Variants in EFR3B observed in about 807,000 individuals in gnomAD.
EFR3B encodes protein EFR3 homolog B.
EFR3B carries 64 observed loss-of-function variants against 104.7 expected under a neutral mutation model. That is an observed-to-expected ratio of 0.61 (90% CI 0.50 to 0.75). The LOEUF is 0.75. Ranked by LOEUF, EFR3B falls within the 30% of genes least tolerant of loss-of-function variation. The probability of loss-of-function intolerance (pLI) is 0.00; values close to 1 mark genes in which losing one functional copy is unlikely to be tolerated. For synonymous variants in EFR3B, 385 were observed against 417.9 expected, an observed-to-expected ratio of 0.92 and a Z score of 0.96; for missense variants, 750 against 1,078.5, an observed-to-expected ratio of 0.70 and a Z score of 4.27.
chr2:25,046,176 A>G (rs978075574), intron 1 of EFR3B, among the ~76,000 whole-genome samples: 36 of 152,148 alleles, frequency 2.4e-4, no homozygotes, highest in Non-Finnish European at 4.6e-4. Flanking sequence ...ACCTGAGGTC[A>G]GGAATTTGAG....
chr2:25,124,275 CAAGT>C (rs1670100029), intron 5 of EFR3B, among the ~76,000 whole-genome samples: 1 of 106,312 alleles, frequency 9.4e-6, no homozygotes, highest in Non-Finnish European at 2.1e-5. Flanking sequence ...CCTGTGCATG[CAAGT>C]GTGTGTGTGT....
At chr2:25,053,862 G>A (rs1376397052) in intron 1 of EFR3B, among the ~76,000 whole-genome samples, 1 of 152,158 alleles carries the variant, frequency 6.6e-6, no homozygotes, top group Non-Finnish European at 1.5e-5. Flanking sequence ...AGCCAAGATC[G>A]CACCACTGCA....
chr2:25,042,512 C>T lies in EFR3B; in HGVS notation c.7+193C>T. On this transcript the variant is annotated intron_variant, in intron 1 of 22. Transcript: ENST00000403714. This position sits in a 1 kb window ranked among gnomAD's most constrained non-coding sequence, Gnocchi z 5.4. The stretch of plus-strand genomic sequence containing the variant: ...GACAAAGATGCCTCGGGCCGGGGAC[C>T]CTGGGGTCCTCTCCAGGCCCGGCGC... 1 of 1,207,914 alleles carries T rather than the reference C, an allele frequency of 8.3e-7. No individual in the cohort carries two copies. The highest frequency in any genetic ancestry group is 1.0e-6 in the Non-Finnish European group (1 of 972,830). The allele number at this position is 1,207,914 out of a possible 1,614,324, so 74.8% of individuals were successfully genotyped here. A position where few individuals can be genotyped will look rare whatever the true frequency, so the allele number is the denominator to read the frequency against.
At chr2:25,065,392 C>T (rs1384022889) in intron 1 of EFR3B, among the ~76,000 whole-genome samples, 4 of 140,076 alleles carry the variant, frequency 2.9e-5, no homozygotes, top group Non-Finnish European at 4.5e-5. Flanking sequence ...GTTCTCACTG[C>T]GTTGCCCAGG....
At chr2:25,079,305 T>C (rs1014918515) in intron 1 of EFR3B, among the ~76,000 whole-genome samples, 1 of 152,212 alleles carries the variant, frequency 6.6e-6, no homozygotes, top group South Asian at 2.1e-4. Flanking sequence ...GCAAGGTGGC[T>C]GTGGCGAAGG....
chr2:25,080,385 C>G, intron 1 of EFR3B: 1 of 539,418 alleles, frequency 1.9e-6, no homozygotes, highest in Non-Finnish European at 3.3e-6. Flanking sequence ...ACCTCCGCCT[C>G]CCATGTTCGA....
At chr2:25,091,129 C>A (rs1009751386) in intron 1 of EFR3B, among the ~76,000 whole-genome samples, 196 bp from the exon 2 acceptor site, 1 of 152,170 alleles carries the variant, frequency 6.6e-6, no homozygotes, top group Non-Finnish European at 1.5e-5. Context: ...TGGCAGATGT[C>A]TTAGAGTGTG....
chr2:25,134,823 C>T lies in EFR3B; in HGVS notation c.1312-644C>T, dbSNP rs575581305. Among the ~76,000 whole-genome samples, 161 of 152,288 alleles carry T rather than the reference C, an allele frequency of 1.1e-3. 4 individuals are homozygous for T. The Middle Eastern group carries it at 0.061, about 58-fold the overall frequency. On this transcript the variant is annotated intron_variant, in intron 12 of 22. Coordinates refer to ENST00000403714, the MANE Select transcript of EFR3B (RefSeq NM_014971.2). ...TTAAGATAACAGTTTGGGGTACATCCTTAGGGACCTTCTGAATCATCAAAA... is the reference window on the plus strand; with the variant it reads ...TTAAGATAACAGTTTGGGGTACATCTTTAGGGACCTTCTGAATCATCAAAA...
intron 1 of EFR3B, among the ~76,000 whole-genome samples, chr2:25,053,426 A>G (rs1313432841): frequency 1.3e-5 from 2 of 152,216 alleles, no homozygotes. Context: ...CATGCCTTTC[A>G]GAGACAGGCA....
chr2:25,099,896 C>T (rs1669383962), intron 3 of EFR3B, among the ~76,000 whole-genome samples: 1 of 151,022 alleles, frequency 6.6e-6, no homozygotes, highest in South Asian at 2.1e-4. Flanking sequence ...AAGATGAAGA[C>T]TAGCTAATAA....
At position 25,093,099 on chromosome 2, in the gene EFR3B, C is replaced by T; in HGVS notation, c.181C>T (p.Leu61Phe). The change falls in exon 3 of 23, where the codon CTC (leucine) becomes TTC (phenylalanine). Residue 61 changes from leucine (L) to phenylalanine (F), a missense_variant. Coordinates refer to ENST00000403714, the MANE Select transcript of EFR3B (RefSeq NM_014971.2). ...TATTGGCGCCTACCTCTCTGAGAGG[C>T]TCATCCGTGACGTGGGTCGCCATCG... ...DRIGAYLSER[L>F]IRDVGRHRYG... 6.4e-7 allele frequency: 1 copy of T among 1,551,894 alleles called. No individual in the cohort carries two copies. Among genetic ancestry groups the T allele is most frequent in the African/African-American group, 1.4e-5 (1 of 73,172 alleles).
rs142153377 is a variant in EFR3B at position 25,120,310 on chromosome 2, C to T, written c.364-1363C>T. ...AAGTTGCAGTGAGCCGAGATCATGT[C>T]ATTGCATGCCAGCCTGGGCAACAGA... is the stretch of plus-strand genomic sequence containing the variant. On this transcript the variant is annotated intron_variant, in intron 4 of 22. Coordinates refer to ENST00000403714, the MANE Select transcript of EFR3B (RefSeq NM_014971.2). Among the ~76,000 whole-genome samples, 307 of 151,640 alleles carry T rather than the reference C, an allele frequency of 2.0e-3. 2 individuals are homozygous for T. Among genetic ancestry groups the T allele is most frequent in the Admixed American group, 4.7e-3 (72 of 15,234 alleles).
intron 4 of EFR3B, among the ~76,000 whole-genome samples, chr2:25,105,393 C>A (rs1249708751): frequency 6.6e-6 from 1 of 152,212 alleles, no homozygotes; most frequent in Non-Finnish European, 1.5e-5. Context: ...TCAAGTGATT[C>A]ACCCGCCTCA....
intron 5 of EFR3B, among the ~76,000 whole-genome samples, chr2:25,127,083 T>TC (rs1474268025): frequency 1.4e-5 from 2 of 147,690 alleles, no homozygotes; most frequent in Non-Finnish European, 3.0e-5. Context: ...TCCCAGCTAC[T>TC]CAGGAGGCCA....
In EFR3B at chr2:25,091,496, G is replaced by A. The variant is rs1001076302; in HGVS notation, c.84+95G>A. On this transcript the variant is annotated intron_variant, in intron 2 of 22. Transcript: ENST00000403714. Reference sequence around the variant, plus strand: ...GAAGCCAGGCCTCCTGCCGGGTGGGGAAGGCAGGGCCTCTCAGGGTCCCTG... The same window carrying A: ...GAAGCCAGGCCTCCTGCCGGGTGGGAAAGGCAGGGCCTCTCAGGGTCCCTG... 7.8e-6 allele frequency: 9 copies of A among 1,159,036 alleles called. No individual in the cohort carries two copies. In the Admixed American group the frequency reaches 8.7e-5, roughly 11 times the overall value. 71.8% of individuals were successfully genotyped at this position (1,159,036 alleles called of 1,614,324 possible).
chr2:25,155,622 G>A lies in EFR3B; in HGVS notation c.*1282G>A, dbSNP rs1671143889. On this transcript the variant is annotated 3_prime_UTR_variant, in exon 23 of 23. Coordinates refer to ENST00000403714, the MANE Select transcript of EFR3B (RefSeq NM_014971.2). ...TTCCCCTTCCCGGCCCCTCCTCCAG[G>A]TGCCTTTGTGTCTCCCGGGGTGCCA... 1 of 152,230 alleles carries A rather than the reference G, an allele frequency of 6.6e-6. No homozygotes were observed. Among genetic ancestry groups the A allele is most frequent in the Admixed American group, 6.5e-5 (1 of 15,278 alleles). The allele number at this position is 152,230 out of a possible 1,614,324, so 9.4% of individuals were successfully genotyped here.
intron 5 of EFR3B, among the ~76,000 whole-genome samples, chr2:25,122,714 C>A (rs1670049083): frequency 6.6e-6 from 1 of 152,038 alleles, no homozygotes; most frequent in African/African-American, 2.4e-5. Flanking sequence ...GCCCTGCACA[C>A]CCCCACATGC....
At chr2:25,148,402 G>A (rs1213989140) in intron 19 of EFR3B, among the ~76,000 whole-genome samples, 7 of 151,734 alleles carry the variant, frequency 4.6e-5, no homozygotes, top group East Asian at 2.0e-4. Context: ...TTACCGGCAC[G>A]CGCCACCATG....
chr2:25,044,846 C>A (rs1667674581), intron 1 of EFR3B, among the ~76,000 whole-genome samples: 2 of 152,184 alleles, frequency 1.3e-5, no homozygotes, highest in African/African-American at 4.8e-5. Context: ...CACAGCTCAG[C>A]CTTCTTCCTT....
Sources: gnomAD v4.1 joint callset for allele counts (sites outside exome capture counted in the v4.1 genomes callset) on GRCh38, gnomAD v4.1.1 for gene constraint, Gnocchi (gnomAD v3.1) non-coding constraint, MANE v1.5 for transcripts, NCBI Gene and HGNC (gene_info 2026-07-23, HGNC 2026-07-21) for gene names.